The following MOB3A variants were observed in gnomAD, a reference collection of about 807,000 sequenced individuals.
MOB3A encodes the protein MOB LAK.
MOB3A carries 17 observed loss-of-function variants against 17.8 expected under a neutral mutation model. That is an observed-to-expected ratio of 0.95 (90% confidence interval 0.65 to 1.43). MOB3A has a LOEUF of 1.43. Ranked by LOEUF, MOB3A falls within the 40% of genes most tolerant of loss-of-function variation. The probability of loss-of-function intolerance (pLI) is 0.00; values close to 1 mark genes in which losing one functional copy is unlikely to be tolerated. For missense variants in MOB3A, 333 were observed against 310.8 expected, an observed-to-expected ratio of 1.07 and a Z score of -0.54; for synonymous variants, 124 against 133.2, an observed-to-expected ratio of 0.93 and a Z score of 0.48.
At position 2,082,981 on chromosome 19, in the gene MOB3A, A is replaced by G. The variant is rs1390936727; in HGVS notation, c.-120+2194T>C. Among the ~76,000 whole-genome samples the G allele has an allele frequency of 6.7e-6, 1 of 149,842 alleles. No individual in the cohort carries two copies. The highest frequency in any genetic ancestry group is 1.5e-5 in the Non-Finnish European group (1 of 67,758). On this transcript the variant is annotated intron_variant, in intron 2 of 4. Transcript: ENST00000357066. The surrounding 1 kb of genome is among the most constrained non-coding windows in gnomAD (Gnocchi z 4.1). ...GCACTCACTGCCATAATTTTTTATA[A>G]TTTTTTCACCACCAGTTAATTTTTT...
intron 4 of MOB3A, among the ~76,000 whole-genome samples, chr19:2,074,180 G>C (rs1486911606): frequency 6.6e-6 from 1 of 152,180 alleles, no homozygotes; most frequent in Non-Finnish European, 1.5e-5. Context: ...TGTAGTCCCA[G>C]CTACTCAGGA....
At chr19:2,076,781 C>CCTTA (rs2017414792) in intron 4 of MOB3A, 30 bp downstream of exon 4, 7 of 1,608,644 alleles carry the variant, frequency 4.4e-6, no homozygotes, top group African/African-American at 2.7e-5. Flanking sequence ...CCCACCGTAA[C>CCTTA]CGCACGCCCT....
At chr19:2,092,416 T>A (rs547867431) in intron 1 of MOB3A, among the ~76,000 whole-genome samples, 1 of 152,036 alleles carries the variant, frequency 6.6e-6, no homozygotes, top group Non-Finnish European at 1.5e-5. Flanking sequence ...TGAATCTTTG[T>A]GGTAAACTGA....
chr19:2,077,119 G>T, intron 3 of MOB3A, 106 bp from the exon 4 acceptor site: 1 of 1,003,244 alleles, frequency 1.0e-6, no homozygotes, highest in South Asian at 1.5e-5. Flanking sequence ...ATTGCTGGCA[G>T]ATCGGGCGCG....
In MOB3A at chr19:2,078,144, G is replaced by T; in HGVS notation, c.417C>A (p.Asn139Lys). The change falls in exon 3 of 5, where the codon AAC (asparagine) becomes AAA (lysine). Residue 139 changes from asparagine (N) to lysine (K), a missense_variant. Physicochemically the swap from Asn to Lys is moderately conservative, Grantham distance 94. Transcript: ENST00000357066. ...CCCCTGCCAGCTCTGACTCACCAAC[G>T]TTGGTGGGGAAGAGGTCCTCGTTGT... ...QINNEDLFPTNVGTPFPKNFL... is the reference protein window; with the variant it reads ...QINNEDLFPTKVGTPFPKNFL... 4 of 1,568,584 alleles carry T rather than the reference G, an allele frequency of 2.6e-6. No individual in the cohort carries two copies. Among genetic ancestry groups the T allele is most frequent in the Non-Finnish European group, 3.5e-6 (4 of 1,152,086 alleles).
chr19:2,087,289 T>C (rs2017564606), intron 1 of MOB3A, among the ~76,000 whole-genome samples: 2 of 152,258 alleles, frequency 1.3e-5, no homozygotes, highest in African/African-American at 2.4e-5. Context: ...TACAGTTACG[T>C]GACTCCTGGC....
chr19:2,076,726 C>A (rs2017413810), intron 4 of MOB3A, 85 bp downstream of exon 4: 2 of 1,422,714 alleles, frequency 1.4e-6, no homozygotes, highest in Non-Finnish European at 1.9e-6. Context: ...CGCAAGCAGT[C>A]AGGGTCCTGG....
intron 4 of MOB3A, among the ~76,000 whole-genome samples, chr19:2,075,692 G>T (rs1479432289): frequency 4.6e-5 from 7 of 152,242 alleles, no homozygotes; most frequent in Admixed American, 2.0e-4. Flanking sequence ...CCAATTTCAA[G>T]AAGCAACATT....
At chr19:2,084,759 T>A (rs1454689584) in intron 2 of MOB3A, among the ~76,000 whole-genome samples, 5 of 151,830 alleles carry the variant, frequency 3.3e-5, no homozygotes, top group African/African-American at 1.2e-4. Context: ...CCCAGCTAAT[T>A]TTTGTACTTT....
intron 2 of MOB3A, among the ~76,000 whole-genome samples, chr19:2,081,309 C>G (rs774855783): frequency 1.3e-5 from 2 of 152,158 alleles, no homozygotes; most frequent in Non-Finnish European, 2.9e-5. Flanking sequence ...AGTTAGAGGC[C>G]GGGCGTGGTG....
intron 4 of MOB3A, 148 bp downstream of exon 4, chr19:2,076,663 A>G: frequency 1.4e-6 from 1 of 724,332 alleles, no homozygotes; most frequent in Non-Finnish European, 2.3e-6. Flanking sequence ...TTGTCCCATC[A>G]GCAGGGTCCC....
chr19:2,084,488 C>G (rs2017528214), intron 2 of MOB3A, among the ~76,000 whole-genome samples: 1 of 151,944 alleles, frequency 6.6e-6, no homozygotes, highest in South Asian at 2.1e-4. Context: ...GAGTGAGACT[C>G]CGTCACAAAA....
Position 2,078,283 on chromosome 19 carries a change from CCCG to C in MOB3A, c.275_277del (p.Ser92_Gly93delinsTrp). On this transcript the variant is annotated inframe_deletion, in exon 3 of 5. Transcript: ENST00000357066. ...CCAGCGGTACTCATACTTGGGGCCCCCCGACATGACGGGGCAGGACTGCTCCGT... is the reference window on the plus strand; with the variant it reads ...CCAGCGGTACTCATACTTGGGGCCCCACATGACGGGGCAGGACTGCTCCGT... 1 of 1,614,148 alleles carries C rather than the reference CCCG, an allele frequency of 6.2e-7. No individual in the cohort carries two copies. Among genetic ancestry groups the C allele is most frequent in the Non-Finnish European group, 8.5e-7 (1 of 1,180,006 alleles).
chr19:2,076,528 G>A (rs1187188732), intron 4 of MOB3A, among the ~76,000 whole-genome samples: 5 of 152,230 alleles, frequency 3.3e-5, no homozygotes, highest in Non-Finnish European at 1.5e-5. Flanking sequence ...GGCGCTCTGG[G>A]ACACCTGAGC....
chr19:2,075,316 C>T (rs2017390684), intron 4 of MOB3A, among the ~76,000 whole-genome samples: 1 of 152,200 alleles, frequency 6.6e-6, no homozygotes, highest in East Asian at 1.9e-4. Flanking sequence ...TGGTGGGAGC[C>T]ACCTCGTCCG....
intron 1 of MOB3A, among the ~76,000 whole-genome samples, chr19:2,094,474 G>C (rs1176231210): frequency 6.6e-6 from 1 of 152,206 alleles, no homozygotes; most frequent in Non-Finnish European, 1.5e-5. Flanking sequence ...AACGGAAGGT[G>C]GGTTTTGTCT....
Position 2,078,347 on chromosome 19 carries a change from C to T in MOB3A, c.214G>A (p.Val72Ile), listed in dbSNP as rs766978628. ...CTGATGGTGCCGTAGATGAGGTTGA[C>T]GCGGTTAAAGAAGTCCACCACGTGA... is the stretch of plus-strand genomic sequence containing the variant. ...AVHVVDFFNR[V>I]NLIYGTISDG... Residue 72 changes from valine to isoleucine, a missense_variant, in exon 3 of 5, where the codon GTC becomes ATC. Coordinates refer to ENST00000357066, the MANE Select transcript of MOB3A (RefSeq NM_130807.3). The T allele has an allele frequency of 1.3e-5, 21 of 1,612,302 alleles. No homozygotes were observed. Among genetic ancestry groups the T allele is most frequent in the South Asian group, 6.6e-5 (6 of 91,096 alleles).
Position 2,082,454 on chromosome 19 carries a change from A to C in MOB3A, c.-120+2721T>G, listed in dbSNP as rs1204848614. Among the ~76,000 whole-genome samples the C allele has an allele frequency of 6.6e-6, 1 of 152,178 alleles. No individual in the cohort carries two copies. Among genetic ancestry groups the C allele is most frequent in the Non-Finnish European group, 1.5e-5 (1 of 68,028 alleles). ...CCTGGGTGAGATCGTGGCTCAGATGATTATGACTGATTCTACAGCAGTGTC... is the reference window on the plus strand; with the variant it reads ...CCTGGGTGAGATCGTGGCTCAGATGCTTATGACTGATTCTACAGCAGTGTC... On this transcript the variant is annotated intron_variant, in intron 2 of 4. Coordinates refer to ENST00000357066, the MANE Select transcript of MOB3A (RefSeq NM_130807.3). This position sits in a 1 kb window ranked among gnomAD's most constrained non-coding sequence, Gnocchi z 4.1.
At position 2,093,501 on chromosome 19, in the gene MOB3A, T is replaced by A. The variant is rs1599414089; in HGVS notation, c.-274+2725A>T. 6.6e-6 allele frequency among the ~76,000 whole-genome samples: 1 copy of A among 152,170 alleles called. No individual in the cohort carries two copies. Among genetic ancestry groups the A allele is most frequent in the African/African-American group, 2.4e-5 (1 of 41,432 alleles). ...TGGAACACACAGTGGGTGGCTGTGG[T>A]CCAGCGTGTGCCTGGCTGTGTATTT... On this transcript the variant is annotated intron_variant, in intron 1 of 4. Coordinates refer to ENST00000357066, the MANE Select transcript of MOB3A (RefSeq NM_130807.3). This position sits in a 1 kb window ranked among gnomAD's most constrained non-coding sequence, Gnocchi z 4.6.
Sources: gnomAD v4.1 joint callset for allele counts (sites outside exome capture counted in the v4.1 genomes callset) on GRCh38, gnomAD v4.1.1 for gene constraint, Gnocchi (gnomAD v3.1) non-coding constraint, MANE v1.5 for transcripts, NCBI Gene and HGNC (gene_info 2026-07-23, HGNC 2026-07-21) for gene names.